Variants in RIC1 observed in about 807,000 individuals in gnomAD.
The protein encoded by RIC1 is RIC1 partner of RAB6A GEF complex.
RIC1 carries 88 observed loss-of-function variants against 169.0 expected under a neutral mutation model. The observed-to-expected ratio is 0.52, with a 90% CI of 0.44 to 0.62. The LOEUF is 0.62. Among genes scored for constraint, RIC1 ranks in the 20% least tolerant of loss-of-function variants. The pLI is 0.00. For synonymous variants in RIC1, 790 were observed against 601.5 expected (o/e 1.31, Z -4.59); for missense variants, 1,877 against 1,725.5 (o/e 1.09, Z -1.56).
chr9:5,765,765 C>T lies in RIC1; in HGVS notation c.3104C>T (p.Thr1035Ile). 1 of 1,614,120 alleles carries T rather than the reference C, an allele frequency of 6.2e-7. No individual in the cohort carries two copies. Among genetic ancestry groups the T allele is most frequent in the Non-Finnish European group, 8.5e-7 (1 of 1,179,972 alleles). The change falls in exon 21 of 26, where the codon ACA becomes ATA. Residue 1035 changes from threonine (T) to isoleucine (I), a missense_variant. Coordinates refer to ENST00000414202, the MANE Select transcript of RIC1 (RefSeq NM_020829.4). ...VPASKFSLQK[T>I]LSMPSGPSGK... ...GCCAGTAAATTCAGTTTACAGAAAACACTAAGTATGCCATCTGGTCCCTCT... is the reference window on the plus strand; with the variant it reads ...GCCAGTAAATTCAGTTTACAGAAAATACTAAGTATGCCATCTGGTCCCTCT...
At chr9:5,772,353 A>G (rs1241732055) in intron 23 of RIC1, among the ~76,000 whole-genome samples, 4 of 152,314 alleles carry the variant, frequency 2.6e-5, no homozygotes, top group African/African-American at 9.6e-5. Context: ...TGGTGGTAGT[A>G]TATTTTTCCA....
At chr9:5,637,986 G>C (rs1818058186) in intron 1 of RIC1, among the ~76,000 whole-genome samples, 1 of 152,156 alleles carries the variant, frequency 6.6e-6, no homozygotes, top group Admixed American at 6.5e-5. Flanking sequence ...CTATGGGTCT[G>C]TTATATATGG....
intron 4 of RIC1, among the ~76,000 whole-genome samples, 187 bp downstream of exon 4, chr9:5,714,190 A>G (rs1823101490): frequency 6.6e-6 from 1 of 152,220 alleles, no homozygotes; most frequent in African/African-American, 2.4e-5. Flanking sequence ...TACTTAAATT[A>G]TTATAATAAA....
chr9:5,752,830 T>A (rs1825804433), intron 12 of RIC1, among the ~76,000 whole-genome samples: 1 of 152,192 alleles, frequency 6.6e-6, no homozygotes, highest in Non-Finnish European at 1.5e-5. Flanking sequence ...TGTATTAGAT[T>A]AGGTTGTTTT....
At chr9:5,647,523 C>T (rs1818578014) in intron 1 of RIC1, among the ~76,000 whole-genome samples, 2 of 152,086 alleles carry the variant, frequency 1.3e-5, no homozygotes, top group African/African-American at 2.4e-5. Flanking sequence ...CTTTTGCCTG[C>T]TTGGTTAGGT....
chr9:5,707,322 C>G (rs1303322514), intron 3 of RIC1, among the ~76,000 whole-genome samples: 1 of 152,056 alleles, frequency 6.6e-6, no homozygotes, highest in Non-Finnish European at 1.5e-5. Flanking sequence ...GGAGAATGTT[C>G]CATGTGCATT....
chr9:5,760,809 C>T (rs151297812), intron 17 of RIC1, among the ~76,000 whole-genome samples: 1 of 152,238 alleles, frequency 6.6e-6, no homozygotes, highest in East Asian at 1.9e-4. Context: ...AAGTATTTTG[C>T]AACTAGAATA....
intron 1 of RIC1, among the ~76,000 whole-genome samples, chr9:5,634,088 TTATGTGTG>T (rs745751744): frequency 3.3e-5 from 5 of 152,122 alleles, no homozygotes; most frequent in Non-Finnish European, 5.9e-5. Context: ...GAATAATATT[TTATGTGTG>T]TATGTGTGTG....
At chr9:5,644,635 C>T (rs752495843) in intron 1 of RIC1, among the ~76,000 whole-genome samples, 5 of 151,998 alleles carry the variant, frequency 3.3e-5, no homozygotes, top group African/African-American at 4.8e-5. Flanking sequence ...TTGCATATGC[C>T]GCATTTCTAT....
intron 3 of RIC1, among the ~76,000 whole-genome samples, chr9:5,707,125 T>C (rs910648638): frequency 1.3e-5 from 2 of 152,188 alleles, no homozygotes; most frequent in African/African-American, 4.8e-5. Flanking sequence ...CTGATTTCCC[T>C]TTTGGTTCTT....
chr9:5,754,951 A>G, intron 15 of RIC1, 21 bp downstream of exon 15: 2 of 1,423,878 alleles, frequency 1.4e-6, no homozygotes, highest in Non-Finnish European at 1.9e-6. Flanking sequence ...TCTCTCAGAA[A>G]TAACAGATTT....
At chr9:5,726,023 T>C (rs527776000) in intron 6 of RIC1, among the ~76,000 whole-genome samples, 202 of 152,314 alleles carry the variant, frequency 1.3e-3, no homozygotes, top group South Asian at 3.3e-3. Flanking sequence ...GAAGAATGTA[T>C]ATTCTGTTGA....
chr9:5,687,922 G>T (rs10758699), intron 2 of RIC1, among the ~76,000 whole-genome samples: 43,945 of 151,556 alleles, frequency 0.29, 7,497 homozygotes, highest in East Asian at 0.6. Flanking sequence ...GGGTTTTTTT[G>T]TGTGTGTGTG....
rs1243299426 is a variant in RIC1, at chr9:5,642,497, C to T, written c.144+13044C>T. Among the ~76,000 whole-genome samples the T allele has an allele frequency of 5.5e-5, 8 of 145,222 alleles. 2 individuals carry two copies. Among genetic ancestry groups the T allele is most frequent in the African/African-American group, 1.4e-4 (5 of 35,674 alleles). ...CCTTCAGAGTGTCTCATTCCCCAAA[C>T]CCCAGGCCAGTCCAGAAATGCTGTC... On this transcript the variant is annotated intron_variant, in intron 1 of 25. Transcript: ENST00000414202.
At chr9:5,726,375 C>T (rs553850241) in intron 6 of RIC1, among the ~76,000 whole-genome samples, 2 of 152,230 alleles carry the variant, frequency 1.3e-5, no homozygotes, top group East Asian at 3.9e-4. Context: ...AGGATTGCAA[C>T]CCCTGCTTTT....
chr9:5,742,920 A>G lies in RIC1; in HGVS notation c.953A>G (p.Asn318Ser), dbSNP rs758491007. ...AAATTGATGAGATGGTCTCCTGACA[A>G]TAGTGTTGTAATAGTGACCTGGGAA... ...AVKLMRWSPD[N>S]SVVIVTWEYG... Residue 318 changes from asparagine to serine, a missense_variant, in exon 9 of 26, where the codon AAT becomes AGT. By Grantham distance (46) the Asn-to-Ser change is conservative (BLOSUM62 1). Around this residue, in one of 3 missense-constraint regions of RIC1, gnomAD observed 1,104 missense variants for 992.0 expected, o/e 1.11. Coordinates refer to ENST00000414202, the MANE Select transcript of RIC1 (RefSeq NM_020829.4). 2.5e-6 allele frequency: 4 copies of G among 1,613,360 alleles called. No homozygotes were observed. The highest frequency in any genetic ancestry group is 2.5e-6 in the Non-Finnish European group (3 of 1,179,492).
chr9:5,682,289 G>A (rs952655924), intron 2 of RIC1, among the ~76,000 whole-genome samples: 3 of 152,308 alleles, frequency 2.0e-5, no homozygotes, highest in South Asian at 2.1e-4. Flanking sequence ...TTTTGCAGTG[G>A]CTGGTACCAG....
intron 7 of RIC1, among the ~76,000 whole-genome samples, chr9:5,733,359 G>C (rs569226952): frequency 8.6e-5 from 13 of 151,570 alleles, no homozygotes; most frequent in Non-Finnish European, 1.5e-4. Flanking sequence ...CGTCTCCTGG[G>C]TTCACGCCAT....
intron 2 of RIC1, among the ~76,000 whole-genome samples, chr9:5,659,346 ATTG>A (rs1343198132): frequency 6.6e-6 from 1 of 152,052 alleles, no homozygotes; most frequent in African/African-American, 2.4e-5. Flanking sequence ...CTCCAATTTT[ATTG>A]TTGTATTTCA....
Sources: gnomAD v4.1 joint callset for allele counts (sites outside exome capture counted in the v4.1 genomes callset) on GRCh38, gnomAD v4.1.1 for gene constraint, gnomAD v4.1.1 regional missense constraint, MANE v1.5 for transcripts, NCBI Gene and HGNC (gene_info 2026-07-23, HGNC 2026-07-21) for gene names.